ARHGAP24: variants seen among roughly 807,000 people sequenced by gnomAD.
ARHGAP24 encodes the protein rho GTPase-activating protein 24.
In ARHGAP24, 50 loss-of-function variants were observed where a neutral mutation model predicts 76.4. That is an observed-to-expected ratio of 0.65 (90% CI 0.52 to 0.83). The LOEUF is 0.83. Among genes scored for constraint, ARHGAP24 ranks in the 40% least tolerant of loss-of-function variants. The pLI, the probability that ARHGAP24 is intolerant of heterozygous loss-of-function variation, is 0.00. For synonymous variants in ARHGAP24, 345 were observed against 323.3 expected, an observed-to-expected ratio of 1.07 and a Z score of -0.72; for missense variants, 930 against 914.2, an observed-to-expected ratio of 1.02 and a Z score of -0.22.
At chr4:85,620,488 G>T (rs1006365371) in intron 2 of ARHGAP24, among the ~76,000 whole-genome samples, 2 of 151,478 alleles carry the variant, frequency 1.3e-5, no homozygotes, top group African/African-American at 2.4e-5. Flanking sequence ...TTGTGGTTTC[G>T]GTTGTAATGT....
intron 4 of ARHGAP24, among the ~76,000 whole-genome samples, chr4:85,925,801 A>T (rs548698810): frequency 3.1e-4 from 47 of 152,022 alleles, no homozygotes; most frequent in Non-Finnish European, 6.5e-4. Context: ...AGAGACACAT[A>T]CTCATCTGGT....
intron 2 of ARHGAP24, among the ~76,000 whole-genome samples, chr4:85,656,050 T>G (rs1284312744): frequency 1.3e-5 from 2 of 152,160 alleles, no homozygotes; most frequent in Non-Finnish European, 2.9e-5. Flanking sequence ...ATTTCAATTT[T>G]AAAATTTGCC....
At chr4:85,955,730 A>C (rs971342708) in intron 5 of ARHGAP24, among the ~76,000 whole-genome samples, 16 of 152,204 alleles carry the variant, frequency 1.1e-4, no homozygotes, top group African/African-American at 3.9e-4. Context: ...TCTGTTTCTT[A>C]TATATGAAAT....
Position 85,819,648 on chromosome 4 carries a change from G to A in ARHGAP24, c.268+97676G>A, listed in dbSNP as rs1219503241. 2.0e-5 allele frequency among the ~76,000 whole-genome samples: 3 copies of A among 152,204 alleles called. No homozygotes were observed. The East Asian group carries it at 5.8e-4, about 29-fold the overall frequency. On this transcript the variant is annotated intron_variant, in intron 3 of 9. Transcript: ENST00000395184. ...TTGAAAAATAGACTGGCCAGGTGCGGTGGCTCATGCCTGTAATCCCAGCAC... is the reference window on the plus strand; with the variant it reads ...TTGAAAAATAGACTGGCCAGGTGCGATGGCTCATGCCTGTAATCCCAGCAC...
chr4:85,579,353 T>C (rs1727511799), intron 2 of ARHGAP24, among the ~76,000 whole-genome samples: 1 of 152,162 alleles, frequency 6.6e-6, no homozygotes, highest in Admixed American at 6.5e-5. Context: ...GAAGAAACTT[T>C]AGGGGAAAAA....
At chr4:85,778,774 C>G (rs1299255031) in intron 3 of ARHGAP24, 2 of 985,204 alleles carry the variant, frequency 2.0e-6, no homozygotes, top group Non-Finnish European at 2.4e-6. Context: ...GAGTTTATAT[C>G]CCCTTCTACA....
chr4:85,743,557 G>C (rs912207923), intron 3 of ARHGAP24, among the ~76,000 whole-genome samples: 2 of 151,908 alleles, frequency 1.3e-5, no homozygotes, highest in African/African-American at 4.8e-5. Context: ...GACAGGGCGA[G>C]ATCCTGTCTC....
intron 2 of ARHGAP24, among the ~76,000 whole-genome samples, chr4:85,574,183 T>C (rs1727266250): frequency 2.0e-5 from 3 of 152,248 alleles, no homozygotes; most frequent in Admixed American, 2.0e-4. Flanking sequence ...AAGTTCTTAA[T>C]TTATTATAGT....
intron 2 of ARHGAP24, among the ~76,000 whole-genome samples, chr4:85,604,744 A>G (rs890260167): frequency 6.6e-6 from 1 of 151,972 alleles, no homozygotes; most frequent in African/African-American, 2.4e-5. Flanking sequence ...GCACCACTAC[A>G]CCCAGCTAAT....
intron 3 of ARHGAP24, among the ~76,000 whole-genome samples, chr4:85,858,471 C>T (rs1731709333): frequency 6.6e-6 from 1 of 152,080 alleles, no homozygotes. Flanking sequence ...TTGCTCCTTC[C>T]CCCATTCACA....
At chr4:85,870,846 C>A (rs1049895207) in intron 3 of ARHGAP24, among the ~76,000 whole-genome samples, 2 of 152,014 alleles carry the variant, frequency 1.3e-5, no homozygotes, top group African/African-American at 4.8e-5. Context: ...AAGAATAATA[C>A]CTCCTTTGTT....
At chr4:85,503,304 C>G (rs1000204356) in intron 1 of ARHGAP24, among the ~76,000 whole-genome samples, 1 of 152,190 alleles carries the variant, frequency 6.6e-6, no homozygotes, top group African/African-American at 2.4e-5. Context: ...ACCAGCTCCT[C>G]TTTGTACCTC....
chr4:85,657,381 G>A (rs1198011850), intron 2 of ARHGAP24, among the ~76,000 whole-genome samples: 1 of 152,048 alleles, frequency 6.6e-6, no homozygotes, highest in East Asian at 1.9e-4. Flanking sequence ...TGAACCTTTA[G>A]TTTCATAACT....
intron 5 of ARHGAP24, among the ~76,000 whole-genome samples, chr4:85,962,391 C>G (rs1578437785): frequency 1.3e-5 from 2 of 152,000 alleles, no homozygotes; most frequent in East Asian, 3.9e-4. Context: ...TTATTTCATT[C>G]CATTCTTTTT....
intron 3 of ARHGAP24, among the ~76,000 whole-genome samples, chr4:85,813,135 A>G (rs974715330): frequency 3.3e-5 from 5 of 152,192 alleles, no homozygotes; most frequent in African/African-American, 1.2e-4. Flanking sequence ...GAGCATGACT[A>G]TTGCTCATCA....
chr4:85,691,259 T>C (rs72972870), intron 2 of ARHGAP24, among the ~76,000 whole-genome samples: 1,628 of 152,286 alleles, frequency 0.011, 34 homozygotes, highest in African/African-American at 0.037. Context: ...ACTTTCTTTA[T>C]GACCAAACAT....
In ARHGAP24 at chr4:85,931,090, T is replaced by TATC. The variant is rs754790734; in HGVS notation, c.391+7321_391+7323dup. The TATC allele has an allele frequency of 8.5e-6, 13 of 1,535,930 alleles. No homozygotes were observed. In the African/African-American group the frequency reaches 1.7e-4, roughly 20 times the overall value. ...TCCTTTTTATAAATATAAATAATAT[T>TATC]ATCTTAGGCTTTAAGGTCTGTTTAT... On this transcript the variant is annotated intron_variant, in intron 4 of 9. Transcript: ENST00000395184.
chr4:85,737,749 T>C (rs1213498086), intron 3 of ARHGAP24, among the ~76,000 whole-genome samples: 1 of 152,170 alleles, frequency 6.6e-6, no homozygotes, highest in East Asian at 1.9e-4. Context: ...CATAGATTCC[T>C]AACACCAACC....
chr4:85,664,981 A>G (rs868426690), intron 2 of ARHGAP24, among the ~76,000 whole-genome samples: 2 of 152,100 alleles, frequency 1.3e-5, no homozygotes, highest in African/African-American at 2.4e-5. Flanking sequence ...GAAAAAAAAC[A>G]TATATTCTAT....
Sources: gnomAD v4.1 joint callset for allele counts (sites outside exome capture counted in the v4.1 genomes callset) on GRCh38, gnomAD v4.1.1 for gene constraint, MANE v1.5 for transcripts, NCBI Gene and HGNC (gene_info 2026-07-23, HGNC 2026-07-21) for gene names.